The following SMG6 variants were observed in gnomAD, a reference collection of about 807,000 sequenced individuals.
SMG6 encodes telomerase-binding protein EST1A.
SMG6 carries 66 observed loss-of-function variants against 142.2 expected under a neutral mutation model. That is an observed-to-expected ratio of 0.46 (90% CI 0.38 to 0.57). The LOEUF is 0.57. Among genes scored for constraint, SMG6 ranks in the 20% least tolerant of loss-of-function variants. The pLI is 0.00. For synonymous variants in SMG6, 779 were observed against 702.4 expected, an observed-to-expected ratio of 1.11 and a Z score of -1.72; for missense variants, 1,793 against 1,832.0, an observed-to-expected ratio of 0.98 and a Z score of 0.39.
intron 15 of SMG6, among the ~76,000 whole-genome samples, chr17:2,079,206 C>T (rs1303807491): frequency 3.3e-5 from 5 of 152,180 alleles, no homozygotes; most frequent in Non-Finnish European, 7.4e-5. Context: ...TCAAATGATC[C>T]ACCCACCGTG....
At chr17:2,141,628 G>A (rs998051771) in intron 13 of SMG6, among the ~76,000 whole-genome samples, 2 of 152,052 alleles carry the variant, frequency 1.3e-5, no homozygotes, top group African/African-American at 2.4e-5. Flanking sequence ...TTTTTTTGCA[G>A]AGGCAGGGTC....
At position 2,133,097 on chromosome 17, in the gene SMG6, T is replaced by C. The variant is rs146985355; in HGVS notation, c.3357+39561A>G. ...CTGTCTCTACTAAAAATACAAAAAT[T>C]AGCTGGACGTGGTGGCGCATGCCTG... On this transcript the variant is annotated intron_variant, in intron 13 of 18. Coordinates refer to ENST00000263073, the MANE Select transcript of SMG6 (RefSeq NM_017575.5). Among the ~76,000 whole-genome samples, 236 of 152,128 alleles carry C rather than the reference T, an allele frequency of 1.6e-3. 2 individuals carry two copies. The highest frequency in any genetic ancestry group is 5.4e-3 in the African/African-American group (223 of 41,516).
chr17:2,101,921 T>C (rs2069018527), intron 13 of SMG6, among the ~76,000 whole-genome samples: 1 of 151,930 alleles, frequency 6.6e-6, no homozygotes, highest in Non-Finnish European at 1.5e-5. Flanking sequence ...ACCCTCACCA[T>C]CTCCCCAAGG....
At chr17:2,285,470 T>C (rs2074883470) in intron 6 of SMG6, among the ~76,000 whole-genome samples, 1 of 152,040 alleles carries the variant, frequency 6.6e-6, no homozygotes, top group East Asian at 1.9e-4. Context: ...AGTTGCAACA[T>C]ACAAGATCAA....
intron 13 of SMG6, among the ~76,000 whole-genome samples, chr17:2,111,379 A>T (rs1485581869): frequency 6.6e-6 from 1 of 152,162 alleles, no homozygotes; most frequent in Non-Finnish European, 1.5e-5. Flanking sequence ...TTGAAGGTGC[A>T]AGCCACAAAA....
intron 6 of SMG6, among the ~76,000 whole-genome samples, chr17:2,288,108 G>A (rs749999914): frequency 1.3e-5 from 2 of 152,090 alleles, no homozygotes; most frequent in Non-Finnish European, 2.9e-5. Flanking sequence ...GAAGTCTGGA[G>A]TTCGAGACCA....
chr17:2,217,397 T>C (rs889230651), intron 10 of SMG6, among the ~76,000 whole-genome samples: 6 of 151,950 alleles, frequency 3.9e-5, no homozygotes, highest in Non-Finnish European at 8.8e-5. Context: ...ATAATATATA[T>C]TATTTTACCA....
chr17:2,128,833 A>AAG (rs1555541008), intron 13 of SMG6, among the ~76,000 whole-genome samples: 69 of 149,106 alleles, frequency 4.6e-4, no homozygotes, highest in African/African-American at 9.6e-4. Flanking sequence ...AAAAAAAAAA[A>AAG]AGAGAGAGAG....
At chr17:2,159,937 T>C (rs2071123254) in intron 13 of SMG6, among the ~76,000 whole-genome samples, 2 of 152,200 alleles carry the variant, frequency 1.3e-5, no homozygotes, top group South Asian at 4.1e-4. Flanking sequence ...ATTCCATGTA[T>C]ATGAAATTTT....
rs2151503997 is a variant in SMG6, at chr17:2,115,295, A to G, written c.3358-29394T>C. ...CTTAAGAGGCCCATCTAAACTCTCA[A>G]TATGAACAAGTATAGACTGGCCCTA... On this transcript the variant is annotated intron_variant, in intron 13 of 18. Transcript: ENST00000263073. 1.3e-5 allele frequency among the ~76,000 whole-genome samples: 2 copies of G among 152,330 alleles called. 1 individual carries two copies. The highest frequency in any genetic ancestry group is 3.8e-4 in the East Asian group (2 of 5,196).
chr17:2,277,132 CATTTATTT>C lies in SMG6; in HGVS notation c.2661+5507_2661+5514del, dbSNP rs3054906. Reference sequence around the variant, plus strand: ...TGCTATGTTTAATGTAGTATTTACACATTTATTTATTTATTTATTTATTTATTTATTTA... The same window carrying C: ...TGCTATGTTTAATGTAGTATTTACACATTTATTTATTTATTTATTTATTTA... On this transcript the variant is annotated intron_variant, in intron 8 of 18. Coordinates refer to ENST00000263073, the MANE Select transcript of SMG6 (RefSeq NM_017575.5). 2.8e-3 allele frequency among the ~76,000 whole-genome samples: 378 copies of C among 133,878 alleles called. 8 individuals carry two copies. The highest frequency in any genetic ancestry group is 9.0e-3 in the African/African-American group (331 of 36,960). 87.8% of individuals were successfully genotyped at this position (133,878 alleles called of 152,430 possible). A position where few individuals can be genotyped will look rare whatever the true frequency, so the allele number is the denominator to read the frequency against.
intron 9 of SMG6, among the ~76,000 whole-genome samples, chr17:2,241,844 G>T (rs1393831688): frequency 6.6e-6 from 1 of 152,196 alleles, no homozygotes; most frequent in Non-Finnish European, 1.5e-5. Flanking sequence ...CCTACATTCT[G>T]CACCAAGATT....
intron 13 of SMG6, among the ~76,000 whole-genome samples, chr17:2,165,621 T>G (rs1443918524): frequency 6.6e-6 from 1 of 152,212 alleles, no homozygotes; most frequent in Non-Finnish European, 1.5e-5. Flanking sequence ...AACTCTATAC[T>G]TGAGCAAGGG....
At chr17:2,209,346 G>A (rs1327768969) in intron 10 of SMG6, among the ~76,000 whole-genome samples, 2 of 152,030 alleles carry the variant, frequency 1.3e-5, no homozygotes, top group Non-Finnish European at 2.9e-5. Flanking sequence ...GGGATTACAC[G>A]TGCACGCCAC....
chr17:2,189,210 AC>A (rs1465981196), intron 10 of SMG6, among the ~76,000 whole-genome samples: 2 of 152,206 alleles, frequency 1.3e-5, no homozygotes, highest in African/African-American at 4.8e-5. Flanking sequence ...CAATCCCAGT[AC>A]CCTCTTCCCG....
chr17:2,159,954 G>C (rs2071123909), intron 13 of SMG6, among the ~76,000 whole-genome samples: 1 of 152,136 alleles, frequency 6.6e-6, no homozygotes, highest in Non-Finnish European at 1.5e-5. Flanking sequence ...TTTTATAACA[G>C]GCAAATCTAA....
chr17:2,300,767 C>A, intron 1 of SMG6, 103 bp from the exon 2 acceptor site: 1 of 1,094,420 alleles, frequency 9.1e-7, no homozygotes, highest in South Asian at 1.7e-5. Context: ...CAAAAAAAGT[C>A]GAGCAAGAAT....
At chr17:2,167,044 C>A (rs1357332454) in intron 13 of SMG6, among the ~76,000 whole-genome samples, 2 of 135,264 alleles carry the variant, frequency 1.5e-5, no homozygotes, top group African/African-American at 5.6e-5. Context: ...GCAAGAGAAT[C>A]GTTTGAACTT....
chr17:2,211,170 T>C (rs2072848725), intron 10 of SMG6, among the ~76,000 whole-genome samples: 1 of 148,786 alleles, frequency 6.7e-6, no homozygotes, highest in African/African-American at 2.5e-5. Flanking sequence ...TGGACAACAG[T>C]TCAAAGGTGA....
Sources: allele counts gnomAD v4.1 joint callset (sites outside exome capture counted in the v4.1 genomes callset), GRCh38; gene constraint gnomAD v4.1.1; transcripts MANE v1.5; gene names NCBI Gene and HGNC (gene_info 2026-07-23, HGNC 2026-07-21).